DPP10: variants seen among roughly 807,000 people sequenced by gnomAD.
DPP10 encodes the protein dipeptidyl peptidase like 10, also known as inactive dipeptidyl peptidase 10.
Under a neutral mutation model 120.9 loss-of-function variants are expected in DPP10, and 33 were observed. The observed-to-expected ratio is 0.27, with a 90% CI of 0.21 to 0.37. The LOEUF (loss-of-function observed/expected upper bound fraction) is 0.37, where lower values mean the gene tolerates loss of function less well. DPP10 is among the 10% of genes least tolerant of loss of function. DPP10 has a pLI of 1.00. For synonymous variants in DPP10, 337 were observed against 326.1 expected (o/e 1.03, Z -0.36); for missense variants, 816 against 942.8 (o/e 0.87, Z 1.76).
At position 115,094,315 on chromosome 2, in the gene DPP10, G is replaced by A. The variant is rs571608658; in HGVS notation, c.61-214924G>A. Among the ~76,000 whole-genome samples, 12 of 152,162 alleles carry A rather than the reference G, an allele frequency of 7.9e-5. No individual in the cohort carries two copies. The South Asian group carries it at 1.0e-3, about 13-fold the overall frequency. On this transcript the variant is annotated intron_variant, in intron 1 of 25. Coordinates refer to ENST00000410059, the MANE Select transcript of DPP10 (RefSeq NM_020868.6). ...GCAACAAAAGCTCTGTGGATGTTAC[G>A]CAGTTTCTAGTGTGAATTGTCTGAA...
chr2:115,467,946 A>C (rs1469962981), intron 3 of DPP10: 1 of 226,922 alleles, frequency 4.4e-6, no homozygotes, highest in Non-Finnish European at 8.8e-6. Flanking sequence ...AAAGAGAATC[A>C]TGAAGATTAT....
At chr2:114,622,186 G>A (rs761830611) in intron 1 of DPP10, among the ~76,000 whole-genome samples, 4 of 151,944 alleles carry the variant, frequency 2.6e-5, no homozygotes, top group Non-Finnish European at 5.9e-5. Flanking sequence ...TTTATTGAAT[G>A]CTCTCTATTT....
intron 5 of DPP10, among the ~76,000 whole-genome samples, chr2:115,561,651 A>G (rs919141379): frequency 1.3e-5 from 2 of 152,210 alleles, no homozygotes; most frequent in Admixed American, 1.3e-4. Flanking sequence ...TATTTCAAGT[A>G]ATATAGAATA....
chr2:115,046,639 A>G (rs1358448482), intron 1 of DPP10, among the ~76,000 whole-genome samples: 1 of 152,176 alleles, frequency 6.6e-6, no homozygotes, highest in Non-Finnish European at 1.5e-5. Context: ...TTACTTTAAT[A>G]TAGGGGACAT....
chr2:115,206,126 T>C (rs772527693), intron 1 of DPP10, among the ~76,000 whole-genome samples: 1 of 152,226 alleles, frequency 6.6e-6, no homozygotes, highest in Non-Finnish European at 1.5e-5. Flanking sequence ...TACACACATA[T>C]ACATGGTATG....
chr2:115,315,109 A>C (rs2061729106), intron 2 of DPP10, among the ~76,000 whole-genome samples: 1 of 152,006 alleles, frequency 6.6e-6, no homozygotes, highest in African/African-American at 2.4e-5. Flanking sequence ...ACTGACTTGG[A>C]TTCATCTCCT....
At chr2:115,524,584 T>C (rs748053143) in intron 4 of DPP10, among the ~76,000 whole-genome samples, 7 of 152,134 alleles carry the variant, frequency 4.6e-5, no homozygotes, top group Non-Finnish European at 1.0e-4. Flanking sequence ...ATTCAATCAC[T>C]GGCCAGTTGC....
chr2:115,810,169 A>T (rs1012435056), intron 19 of DPP10, among the ~76,000 whole-genome samples: 6 of 152,130 alleles, frequency 3.9e-5, no homozygotes, highest in Non-Finnish European at 7.3e-5. Context: ...CTCGAAAAAA[A>T]AAAAAAAGTA....
chr2:115,446,079 C>G (rs1247941586), intron 3 of DPP10, among the ~76,000 whole-genome samples: 1 of 152,172 alleles, frequency 6.6e-6, no homozygotes, highest in Non-Finnish European at 1.5e-5. Flanking sequence ...CCAGCTCCAG[C>G]CATGGATGAT....
chr2:114,945,695 A>C (rs1296270121), intron 1 of DPP10, among the ~76,000 whole-genome samples: 1 of 152,134 alleles, frequency 6.6e-6, no homozygotes, highest in Non-Finnish European at 1.5e-5. Context: ...GGACACCTGT[A>C]ATCCCAGCTA....
chr2:114,801,281 A>G (rs1484613520), intron 1 of DPP10, among the ~76,000 whole-genome samples: 2 of 80,004 alleles, frequency 2.5e-5, no homozygotes. Flanking sequence ...AAAAAAAAAG[A>G]AAAAAAGAAA....
In DPP10 at chr2:114,552,915, A is replaced by C. The variant is rs1465319221; in HGVS notation, c.60+110077A>C. Among the ~76,000 whole-genome samples the C allele has an allele frequency of 2.0e-5, 3 of 152,152 alleles. No individual in the cohort carries two copies. The East Asian group carries it at 5.8e-4, about 29-fold the overall frequency. On this transcript the variant is annotated intron_variant, in intron 1 of 25. Coordinates refer to ENST00000410059, the MANE Select transcript of DPP10 (RefSeq NM_020868.6). ...AGAGTCGGAGACTAATGACTCCCAC[A>C]TCAGCACCCCAATTAAATAGACTTT...
At chr2:114,682,220 G>A (rs1699071170) in intron 1 of DPP10, among the ~76,000 whole-genome samples, 1 of 151,876 alleles carries the variant, frequency 6.6e-6, no homozygotes, top group Admixed American at 6.6e-5. Flanking sequence ...GACTCCTTCA[G>A]AACTGTTTTT....
intron 1 of DPP10, among the ~76,000 whole-genome samples, chr2:115,134,467 C>T (rs555334036): frequency 2.2e-4 from 34 of 152,250 alleles, no homozygotes; most frequent in African/African-American, 7.9e-4. Flanking sequence ...ACTATAATCA[C>T]ATTTAGATGG....
At chr2:115,005,404 C>T (rs545831402) in intron 1 of DPP10, among the ~76,000 whole-genome samples, 32 of 151,802 alleles carry the variant, frequency 2.1e-4, no homozygotes, top group African/African-American at 5.3e-4. Context: ...AGGCTTCAGA[C>T]GATCAAATTA....
chr2:115,260,737 A>T (rs2059215790), intron 1 of DPP10, among the ~76,000 whole-genome samples: 1 of 152,136 alleles, frequency 6.6e-6, no homozygotes, highest in Non-Finnish European at 1.5e-5. Flanking sequence ...AGTGTTTTAA[A>T]TTTTTTTGGT....
At chr2:114,961,247 T>A (rs940526052) in intron 1 of DPP10, among the ~76,000 whole-genome samples, 1 of 151,828 alleles carries the variant, frequency 6.6e-6, no homozygotes, top group African/African-American at 2.4e-5. Flanking sequence ...AGAGACGAGG[T>A]TTCTCCATGT....
At chr2:115,712,174 T>C (rs552183882) in intron 7 of DPP10, among the ~76,000 whole-genome samples, 1 of 151,270 alleles carries the variant, frequency 6.6e-6, no homozygotes, top group East Asian at 2.0e-4. Flanking sequence ...CTGAGCTTGT[T>C]TTCCTGCAAC....
intron 1 of DPP10, among the ~76,000 whole-genome samples, chr2:115,231,075 A>G (rs950757237): frequency 1.3e-5 from 2 of 152,074 alleles, no homozygotes; most frequent in Non-Finnish European, 1.5e-5. Context: ...GAACTAGATT[A>G]CATTCTTCCC....
Sources: allele counts gnomAD v4.1 joint callset (sites outside exome capture counted in the v4.1 genomes callset), GRCh38; gene constraint gnomAD v4.1.1; transcripts MANE v1.5; gene names NCBI Gene and HGNC (gene_info 2026-07-23, HGNC 2026-07-21).